Variants in TGM3 observed in about 807,000 individuals in gnomAD.
The protein encoded by TGM3 is protein-glutamine gamma-glutamyltransferase E.
TGM3 carries 52 observed loss-of-function variants against 73.8 expected under a neutral mutation model. That is an observed-to-expected ratio of 0.70 (90% CI 0.56 to 0.89). TGM3 has a LOEUF of 0.89. Among genes scored for constraint, TGM3 ranks in the 40% least tolerant of loss-of-function variants. The pLI is 0.00. For missense variants in TGM3, 928 were observed against 909.9 expected (o/e 1.02, Z -0.26); for synonymous variants, 372 against 354.9 (o/e 1.05, Z -0.54).
At chr20:2,298,653 T>C (rs2084124662) in intron 1 of TGM3, among the ~76,000 whole-genome samples, 1 of 152,188 alleles carries the variant, frequency 6.6e-6, no homozygotes, top group Non-Finnish European at 1.5e-5. Flanking sequence ...CACCAAACCG[T>C]TCTCCTTGGA....
chr20:2,340,648 AC>A lies in TGM3; in HGVS notation c.*73del, dbSNP rs1260664871. Reference sequence around the variant, plus strand: ...GCAGGGAGAGCTCACCATGGAATGAACCCCCCGCCCATGCTGTCCGGCCTGG... The same window carrying A: ...GCAGGGAGAGCTCACCATGGAATGAACCCCCGCCCATGCTGTCCGGCCTGG... On this transcript the variant is annotated 3_prime_UTR_variant, in exon 13 of 13. Coordinates refer to ENST00000381458, the MANE Select transcript of TGM3 (RefSeq NM_003245.4). 6 of 1,599,982 alleles carry A rather than the reference AC, an allele frequency of 3.8e-6. No individual in the cohort carries two copies. Among genetic ancestry groups the A allele is most frequent in the Non-Finnish European group, 5.1e-6 (6 of 1,170,238 alleles).
chr20:2,336,085 T>C (rs2084349523), intron 11 of TGM3, among the ~76,000 whole-genome samples: 1 of 152,198 alleles, frequency 6.6e-6, no homozygotes, highest in African/African-American at 2.4e-5. Flanking sequence ...CCCAGGCTCC[T>C]TCTCAGGAGC....
At chr20:2,330,851 C>A (rs2084316765) in intron 9 of TGM3, among the ~76,000 whole-genome samples, 1 of 151,460 alleles carries the variant, frequency 6.6e-6, no homozygotes, top group South Asian at 2.1e-4. Context: ...ACCAAAAAGG[C>A]AAAAATTAGC....
At chr20:2,339,465 T>C (rs1452054971) in intron 11 of TGM3, among the ~76,000 whole-genome samples, 2 of 152,144 alleles carry the variant, frequency 1.3e-5, no homozygotes, top group African/African-American at 4.8e-5. Flanking sequence ...AGCAAGACCC[T>C]GTCCTTGCAA....
chr20:2,297,017 A>G (rs1329814496), intron 1 of TGM3, among the ~76,000 whole-genome samples: 1 of 152,360 alleles, frequency 6.6e-6, no homozygotes, highest in East Asian at 1.9e-4. Flanking sequence ...GTGATTGCAC[A>G]TTAGGCCCCC....
rs538845668 is a variant in TGM3 at position 2,340,015 on chromosome 20, C to A, written c.1934+28C>A. 57 of 469,564 alleles carry A rather than the reference C, an allele frequency of 1.2e-4. No individual in the cohort carries two copies. The East Asian group carries it at 1.4e-3, about 12-fold the overall frequency. 29.1% of individuals were successfully genotyped at this position (469,564 alleles called of 1,614,324 possible). A position where few individuals can be genotyped will look rare whatever the true frequency, so the allele number is the denominator to read the frequency against. ...GAGTCCTGGGCCTAAGTGGCCGGTG[C>A]AGGAGGGCGGGAGGGGGCGGGGGGG... On this transcript the variant is annotated intron_variant, in intron 12 of 12. Coordinates refer to ENST00000381458, the MANE Select transcript of TGM3 (RefSeq NM_003245.4).
At chr20:2,324,208 C>T (rs2084275506) in intron 7 of TGM3, among the ~76,000 whole-genome samples, 1 of 152,084 alleles carries the variant, frequency 6.6e-6, no homozygotes, top group East Asian at 1.9e-4. Context: ...TAAAATTTTT[C>T]CATTTGGTTC....
rs749745219 is a variant in TGM3 at position 2,340,420 on chromosome 20, G to GC, written c.1935-11dup. 2 of 1,613,958 alleles carry GC rather than the reference G, an allele frequency of 1.2e-6. No homozygotes were observed. Among genetic ancestry groups the GC allele is most frequent in the South Asian group, 2.2e-5 (2 of 91,086 alleles). ...GTGTCTCGTATCAACACTGATCTGTGCCCTCCCCATCAGCGTGCCGACCCT... is the reference window on the plus strand; with the variant it reads ...GTGTCTCGTATCAACACTGATCTGTGCCCCTCCCCATCAGCGTGCCGACCCT... On this transcript the variant is annotated splice_polypyrimidine_tract_variant and intron_variant, in intron 12 of 12. Coordinates refer to ENST00000381458, the MANE Select transcript of TGM3 (RefSeq NM_003245.4).
Position 2,310,413 on chromosome 20 carries a change from G to A in TGM3, c.417G>A (p.Leu139=). 4.3e-6 allele frequency: 7 copies of A among 1,614,132 alleles called. No individual in the cohort carries two copies. Among genetic ancestry groups the A allele is most frequent in the Non-Finnish European group, 5.9e-6 (7 of 1,179,974 alleles). ...TCATACTGCTTTTTAACCCCTGGCT[G>A]AATGGTAGGTGTCTAGCCACCCACA... ...GTFILLFNPW[L]NVDSVFMGNH... Residue 139 remains leucine (L), a synonymous_variant, in exon 3 of 13, where the codon CTG becomes CTA. Transcript: ENST00000381458.
At chr20:2,319,939 T>C (rs1299454189) in intron 7 of TGM3, among the ~76,000 whole-genome samples, 1 of 152,228 alleles carries the variant, frequency 6.6e-6, no homozygotes, top group African/African-American at 2.4e-5. Flanking sequence ...TAGGACTAGA[T>C]GATTTCTTAA....
intron 1 of TGM3, among the ~76,000 whole-genome samples, chr20:2,307,873 T>G (rs992674263): frequency 1.3e-5 from 2 of 152,160 alleles, no homozygotes; most frequent in South Asian, 4.1e-4. Context: ...TTCATCCATT[T>G]ATTTACCTAA....
Position 2,340,439 on chromosome 20 carries a change from C to T in TGM3, c.1940C>T (p.Pro647Leu), listed in dbSNP as rs200294064. ...ATCTGTGCCCTCCCCATCAGCGTGC[C>T]GACCCTAGGGCCCAAGGAGGGGTCC... ...LLLGNLKIDVPTLGPKEGSRV... is the reference protein window; with the variant it reads ...LLLGNLKIDVLTLGPKEGSRV... The change falls in exon 13 of 13, where the codon CCG (proline) becomes CTG (leucine). Residue 647 changes from proline (P) to leucine (L), a missense_variant. Coordinates refer to ENST00000381458, the MANE Select transcript of TGM3 (RefSeq NM_003245.4). 83 of 1,613,862 alleles carry T rather than the reference C, an allele frequency of 5.1e-5. 2 individuals are homozygous for T. The South Asian group carries it at 5.6e-4, about 11-fold the overall frequency.
At chr20:2,300,204 AAAGAAAGAAAGAG>A (rs2084136643) in intron 1 of TGM3, among the ~76,000 whole-genome samples, 1 of 142,442 alleles carries the variant, frequency 7.0e-6, no homozygotes, top group African/African-American at 2.5e-5. Context: ...ATAGAAAGAG[AAAGAAAGAAAGAG>A]AAGAAAGAAA....
Position 2,334,264 on chromosome 20 carries a change from G to A in TGM3, c.1643-852G>A, listed in dbSNP as rs1000468432. On this transcript the variant is annotated intron_variant, in intron 10 of 12. Transcript: ENST00000381458. The surrounding 1 kb of genome is among the most constrained non-coding windows in gnomAD (Gnocchi z 4.0). ...TGTCTGCAGAACAAGAAGTGTGGAA[G>A]GTTCTTTTAAGGGACAGGTGATGCA... Among the ~76,000 whole-genome samples the A allele has an allele frequency of 6.6e-6, 1 of 152,216 alleles. No individual in the cohort carries two copies. Among genetic ancestry groups the A allele is most frequent in the East Asian group, 1.9e-4 (1 of 5,200 alleles).
At chr20:2,304,136 C>T (rs1600691250) in intron 1 of TGM3, among the ~76,000 whole-genome samples, 1 of 152,288 alleles carries the variant, frequency 6.6e-6, no homozygotes, top group South Asian at 2.1e-4. Flanking sequence ...ACCTGAGAAC[C>T]TTAGACAGCT....
Position 2,334,968 on chromosome 20 carries a change from A to G in TGM3, c.1643-148A>G. 1.0e-6 allele frequency: 1 copy of G among 964,698 alleles called. No homozygotes were observed. Among genetic ancestry groups the G allele is most frequent in the Non-Finnish European group, 1.5e-6 (1 of 648,162 alleles). 59.8% of individuals were successfully genotyped at this position (964,698 alleles called of 1,614,324 possible). ...ACCCTGACCGGGGGACGCTTCCCACAGGACCTGGCCCAAGGAGGGCTCAGT... is the reference window on the plus strand; with the variant it reads ...ACCCTGACCGGGGGACGCTTCCCACGGGACCTGGCCCAAGGAGGGCTCAGT... On this transcript the variant is annotated intron_variant, in intron 10 of 12. Coordinates refer to ENST00000381458, the MANE Select transcript of TGM3 (RefSeq NM_003245.4). This position sits in a 1 kb window ranked among gnomAD's most constrained non-coding sequence, Gnocchi z 4.0.
chr20:2,337,464 A>G (rs1270686097), intron 11 of TGM3, among the ~76,000 whole-genome samples: 7 of 152,154 alleles, frequency 4.6e-5, no homozygotes, highest in African/African-American at 1.7e-4. Context: ...CACTCTTGCA[A>G]TCCCAGCACT....
At position 2,312,851 on chromosome 20, in the gene TGM3, C is replaced by T. The variant is rs756736405; in HGVS notation, c.541-47C>T. ...GTGCAGTTCCCTTCTTGAGCCAACTCTCCTTGTCATTTCTTTAATTGTAAT... is the reference window on the plus strand; with the variant it reads ...GTGCAGTTCCCTTCTTGAGCCAACTTTCCTTGTCATTTCTTTAATTGTAAT... On this transcript the variant is annotated intron_variant, in intron 4 of 12. Transcript: ENST00000381458. The T allele has an allele frequency of 5.0e-6, 8 of 1,610,178 alleles. No individual in the cohort carries two copies. The Admixed American group carries it at 1.2e-4, about 24-fold the overall frequency.
intron 9 of TGM3, among the ~76,000 whole-genome samples, chr20:2,331,038 A>G (rs2084318452): frequency 6.6e-6 from 1 of 150,972 alleles, no homozygotes; most frequent in Non-Finnish European, 1.5e-5. Flanking sequence ...GAGAGAGAAA[A>G]AAAATAAAAA....
Sources: gnomAD v4.1 joint callset for allele counts (sites outside exome capture counted in the v4.1 genomes callset) on GRCh38, gnomAD v4.1.1 for gene constraint, Gnocchi (gnomAD v3.1) non-coding constraint, MANE v1.5 for transcripts, NCBI Gene and HGNC (gene_info 2026-07-23, HGNC 2026-07-21) for gene names.